HK1: variants seen among roughly 807,000 people sequenced by gnomAD.
The protein encoded by HK1 is hexokinase 1, also known as hexokinase-1.
A neutral mutation model predicts 91.6 loss-of-function variants in HK1; 28 were observed. That is an observed-to-expected ratio of 0.31 (90% CI 0.23 to 0.42). HK1 has a LOEUF of 0.42. Ranked by LOEUF, HK1 falls within the 10% of genes least tolerant of loss-of-function variation. HK1 has a pLI of 1.00. For synonymous variants in HK1, 430 were observed against 468.1 expected, an observed-to-expected ratio of 0.92 and a Z score of 1.05; for missense variants, 770 against 1,219.8, an observed-to-expected ratio of 0.63 and a Z score of 5.49.
At chr10:69,326,908 C>T (rs1403368830) in intron 1 of HK1, among the ~76,000 whole-genome samples, 1 of 149,508 alleles carries the variant, frequency 6.7e-6, no homozygotes, top group Non-Finnish European at 1.5e-5. Context: ...TATGGTATTG[C>T]TTTATAGATA....
At chr10:69,302,692 G>T (rs149843953) in intron 5 of HK1, among the ~76,000 whole-genome samples, 2,138 of 149,770 alleles carry the variant, frequency 0.014, 16 homozygotes, top group Non-Finnish European at 0.021. Context: ...GAAGGTCAAG[G>T]CTGCAGTGAG....
chr10:69,276,075 A>C (rs1844421025), intron 1 of HK1, among the ~76,000 whole-genome samples: 1 of 129,364 alleles, frequency 7.7e-6, no homozygotes, highest in Non-Finnish European at 1.6e-5. Flanking sequence ...GGGCAGCAAG[A>C]GCAAAACTCC....
At chr10:69,360,460 G>A (rs549456773) in intron 3 of HK1, among the ~76,000 whole-genome samples, 1 of 152,358 alleles carries the variant, frequency 6.6e-6, no homozygotes, top group African/African-American at 2.4e-5. Flanking sequence ...CCCCGGCCTT[G>A]TAGGGTATGG....
intron 2 of HK1, among the ~76,000 whole-genome samples, chr10:69,349,709 C>A (rs1848748000): frequency 6.6e-6 from 1 of 152,162 alleles, no homozygotes; most frequent in Non-Finnish European, 1.5e-5. Context: ...GGTGACTGGA[C>A]ACGACAGCTC....
intron 1 of HK1, chr10:69,338,146 G>T (rs1848091940): frequency 7.0e-6 from 5 of 717,218 alleles, no homozygotes; most frequent in Non-Finnish European, 7.1e-6. Context: ...AGAGCTTCAA[G>T]GCCCCCTTGG....
intron 5 of HK1, among the ~76,000 whole-genome samples, chr10:69,303,397 A>ACAGG (rs1205686530): frequency 6.6e-6 from 1 of 151,690 alleles, no homozygotes; most frequent in Non-Finnish European, 1.5e-5. Flanking sequence ...TGATTTATCA[A>ACAGG]GGTAGAGAAT....
chr10:69,354,551 C>T (rs946956441), intron 2 of HK1, among the ~76,000 whole-genome samples: 2 of 152,174 alleles, frequency 1.3e-5, no homozygotes, highest in African/African-American at 4.8e-5. Context: ...GATTCAGTTA[C>T]CTCCACCTGG....
At chr10:69,393,470 T>C (rs1840001871) in intron 15 of HK1, among the ~76,000 whole-genome samples, 1 of 152,094 alleles carries the variant, frequency 6.6e-6, no homozygotes. Context: ...CTAGTTTTTG[T>C]ATTTTTGGTA....
chr10:69,352,517 T>C (rs535953500), intron 2 of HK1, among the ~76,000 whole-genome samples: 1 of 152,294 alleles, frequency 6.6e-6, no homozygotes, highest in Admixed American at 6.5e-5. Context: ...TATATACATA[T>C]AATGGAATAT....
At chr10:69,378,309 CA>C (rs59016959) in intron 8 of HK1, among the ~76,000 whole-genome samples, 142 of 139,906 alleles carry the variant, frequency 1.0e-3, no homozygotes, top group East Asian at 1.4e-3. Flanking sequence ...AAGGCTATCT[CA>C]AAAAAAAAAA....
chr10:69,316,247 C>T (rs184289126), upstream of HK1, among the ~76,000 whole-genome samples: 2 of 151,854 alleles, frequency 1.3e-5, no homozygotes, highest in African/African-American at 4.8e-5. Flanking sequence ...CCTCGGAAAC[C>T]AGGCAGAGAT....
upstream of HK1, chr10:69,318,794 C>G (rs976340783): frequency 8.0e-6 from 11 of 1,375,624 alleles, no homozygotes; most frequent in Middle Eastern, 8.0e-4. Context: ...ACCGGGAGCG[C>G]GCGAGCTGTC....
intron 7 of HK1, among the ~76,000 whole-genome samples, chr10:69,372,888 TGA>T: frequency 6.6e-6 from 1 of 152,272 alleles, no homozygotes. Context: ...TTTTGTTTTT[TGA>T]GACAGTCTTG....
At chr10:69,325,044 ATTTTTTTTTTTTT>A (rs1046990181) in intron 1 of HK1, among the ~76,000 whole-genome samples, 1 of 93,904 alleles carries the variant, frequency 1.1e-5, no homozygotes, top group Non-Finnish European at 2.0e-5. Flanking sequence ...AAAAATGTGT[ATTTTTTTTTTTTT>A]TTTTTTTTTT....
intron 8 of HK1, among the ~76,000 whole-genome samples, chr10:69,379,560 G>A (rs1839282319): frequency 1.3e-5 from 2 of 152,216 alleles, no homozygotes; most frequent in Non-Finnish European, 2.9e-5. Context: ...AGCCCTGGGT[G>A]GTGGCAGCCA....
chr10:69,332,612 AGT>A (rs763508226), intron 1 of HK1, among the ~76,000 whole-genome samples: 3 of 151,950 alleles, frequency 2.0e-5, no homozygotes, highest in Non-Finnish European at 4.4e-5. Flanking sequence ...GAACTGGCCA[AGT>A]GATCCACCCA....
At chr10:69,334,732 C>T (rs1356592064) in intron 1 of HK1, among the ~76,000 whole-genome samples, 1 of 152,174 alleles carries the variant, frequency 6.6e-6, no homozygotes, top group African/African-American at 2.4e-5. Context: ...CTCCTGTACC[C>T]CTGGCACTCA....
rs781630590 is a variant in HK1, at chr10:69,377,102, C to T, written c.1031+13C>T. 6.2e-7 allele frequency: 1 copy of T among 1,613,988 alleles called. No individual in the cohort carries two copies. Among genetic ancestry groups the T allele is most frequent in the Admixed American group, 1.7e-5 (1 of 59,998 alleles). ...CAGCCATCGAAAAGTAGGTACCATC[C>T]CCTCAAGGCTTTCTTGGGGTGTTGG... On this transcript the variant is annotated intron_variant, in intron 8 of 17. Coordinates refer to ENST00000359426, the MANE Select transcript of HK1 (RefSeq NM_000188.3).
chr10:69,295,074 G>C (rs909969162), intron 3 of HK1, among the ~76,000 whole-genome samples: 26 of 151,314 alleles, frequency 1.7e-4, no homozygotes, highest in African/African-American at 4.8e-4. Flanking sequence ...AAAAAATAGC[G>C]AGGGGAGGGC....
Sources: allele counts gnomAD v4.1 joint callset (sites outside exome capture counted in the v4.1 genomes callset), GRCh38; gene constraint gnomAD v4.1.1; transcripts MANE v1.5; gene names NCBI Gene and HGNC (gene_info 2026-07-23, HGNC 2026-07-21).